The following MYOM1 variants were observed in gnomAD, a reference collection of about 807,000 sequenced individuals.
The protein encoded by MYOM1 is myomesin-1.
Under a neutral mutation model 205.3 loss-of-function variants are expected in MYOM1, and 164 were observed. That is an observed-to-expected ratio of 0.80 (90% CI 0.70 to 0.91). The LOEUF (loss-of-function observed/expected upper bound fraction) is 0.91. MYOM1 is among the 40% of genes least tolerant of loss of function. MYOM1 has a pLI of 0.00. For missense variants in MYOM1, 2,011 were observed against 2,127.3 expected (o/e 0.95, Z 1.08); for synonymous variants, 772 against 789.4 (o/e 0.98, Z 0.37).
intron 8 of MYOM1, among the ~76,000 whole-genome samples, chr18:3,173,573 C>CATGTGT (rs1397176555): frequency 1.5e-5 from 2 of 136,914 alleles, no homozygotes; most frequent in Non-Finnish European, 3.2e-5. Flanking sequence ...AGTCCAGACT[C>CATGTGT]GTGTGTGTGT....
intron 2 of MYOM1, among the ~76,000 whole-genome samples, chr18:3,208,743 T>C (rs1025718356): frequency 6.6e-6 from 1 of 152,134 alleles, no homozygotes; most frequent in Non-Finnish European, 1.5e-5. Context: ...ATTAAAATTT[T>C]ATTTAGAGAA....
chr18:3,149,225 T>C, intron 12 of MYOM1, 24 bp from the exon 13 acceptor site: 1 of 1,602,126 alleles, frequency 6.2e-7, no homozygotes, highest in East Asian at 2.2e-5. Context: ...AATATAAGAA[T>C]CACAAACGTT....
intron 19 of MYOM1, among the ~76,000 whole-genome samples, chr18:3,121,647 T>C (rs188469207): frequency 1.3e-5 from 2 of 152,306 alleles, no homozygotes; most frequent in African/African-American, 4.8e-5. Flanking sequence ...GGTAAAGTTT[T>C]TAAGGCCCTT....
At chr18:3,070,638 G>A (rs888707798) in intron 37 of MYOM1, among the ~76,000 whole-genome samples, 1 of 152,112 alleles carries the variant, frequency 6.6e-6, no homozygotes, top group African/African-American at 2.4e-5. Flanking sequence ...TTTACCTGAT[G>A]CCAAATTTAC....
At chr18:3,091,109 A>C (rs1416629248) in intron 26 of MYOM1, among the ~76,000 whole-genome samples, 2 of 152,146 alleles carry the variant, frequency 1.3e-5, no homozygotes, top group African/African-American at 2.4e-5. Context: ...TGAGGTCAGG[A>C]GTTCGAGACC....
intron 31 of MYOM1, 142 bp from the exon 32 acceptor site, chr18:3,084,169 G>T: frequency 1.2e-6 from 1 of 801,776 alleles, no homozygotes. Context: ...CACTGATAAT[G>T]AGTATTCTTT....
chr18:3,076,874 C>A (rs1317119212), intron 34 of MYOM1, among the ~76,000 whole-genome samples: 2 of 151,896 alleles, frequency 1.3e-5, no homozygotes, highest in Non-Finnish European at 2.9e-5. Flanking sequence ...CCACCATGAC[C>A]AGCTAATTTT....
At chr18:3,181,421 T>C (rs2080728603) in intron 5 of MYOM1, among the ~76,000 whole-genome samples, 2 of 152,236 alleles carry the variant, frequency 1.3e-5, no homozygotes, top group African/African-American at 4.8e-5. Flanking sequence ...CAAATCCTTA[T>C]GTTGGAAAAC....
At chr18:3,132,210 A>G (rs1598706327) in intron 16 of MYOM1, among the ~76,000 whole-genome samples, 2 of 150,942 alleles carry the variant, frequency 1.3e-5, no homozygotes, top group African/African-American at 4.9e-5. Context: ...GGAGTGCAGT[A>G]GTGCAATCTC....
At chr18:3,155,560 G>A (rs1451041481) in intron 10 of MYOM1, among the ~76,000 whole-genome samples, 2 of 152,200 alleles carry the variant, frequency 1.3e-5, no homozygotes, top group East Asian at 3.9e-4. Context: ...AACAATGTGT[G>A]TTTTTCACCT....
chr18:3,194,107 AG>A (rs1032700242), intron 2 of MYOM1, 149 bp from the exon 3 acceptor site: 2 of 832,318 alleles, frequency 2.4e-6, no homozygotes, highest in Admixed American at 6.1e-5. Flanking sequence ...GAATTAAAGT[AG>A]AGTTAGAAAG....
intron 22 of MYOM1, among the ~76,000 whole-genome samples, chr18:3,112,032 G>A (rs62074913): frequency 2.0e-5 from 3 of 152,102 alleles, no homozygotes; most frequent in East Asian, 1.9e-4. Flanking sequence ...CAGTTGGTCC[G>A]GGAAGCTTAA....
rs1255080640 is a variant in MYOM1, at chr18:3,151,203, GTCTA to G, written c.1843+487_1843+490del. 1.7e-4 allele frequency among the ~76,000 whole-genome samples: 26 copies of G among 151,508 alleles called. 1 individual carries two copies. The East Asian group carries it at 3.1e-3, about 18-fold the overall frequency. On this transcript the variant is annotated intron_variant, in intron 12 of 37. Transcript: ENST00000356443. Reference sequence around the variant, plus strand: ...TCAGACATAGATTAGATATAACGTTGTCTATCTGTTTTTCCTTTGATATAGAGAG... The same window carrying G: ...TCAGACATAGATTAGATATAACGTTGTCTGTTTTTCCTTTGATATAGAGAG...
the MYOM1 span, among the ~76,000 whole-genome samples, chr18:3,235,882 T>G: frequency 1.3e-5 from 2 of 151,914 alleles, no homozygotes; most frequent in African/African-American, 4.8e-5. Context: ...TGCGAAAGAG[T>G]TGAGGGCATG....
chr18:3,235,435 A>G, the MYOM1 span, among the ~76,000 whole-genome samples: 1 of 152,184 alleles, frequency 6.6e-6, no homozygotes, highest in African/African-American at 2.4e-5. Context: ...TTCTGAACAT[A>G]CTAATCCCAT....
chr18:3,125,827 C>A lies in MYOM1; in HGVS notation c.2991+874G>T, dbSNP rs528514084. Among the ~76,000 whole-genome samples, 10 of 152,206 alleles carry A rather than the reference C, an allele frequency of 6.6e-5. No individual in the cohort carries two copies. The South Asian group carries it at 2.1e-3, about 32-fold the overall frequency. On this transcript the variant is annotated intron_variant, in intron 19 of 37. Coordinates refer to ENST00000356443, the MANE Select transcript of MYOM1 (RefSeq NM_003803.4). ...TTCTGGTTCTCTTATGTGACCTGAG[C>A]AGTGGAGGCCCCCATGTAGAGGAGA...
intron 3 of MYOM1, among the ~76,000 whole-genome samples, chr18:3,191,719 G>A (rs1175772623): frequency 4.7e-5 from 7 of 148,136 alleles, no homozygotes; most frequent in Non-Finnish European, 1.5e-5. Context: ...TTTTTGAGAT[G>A]GGGTCTCACT....
chr18:3,135,419 A>T lies in MYOM1; in HGVS notation c.2209+128T>A. The stretch of plus-strand genomic sequence containing the variant: ...TTTTTGTTTAATGTATAGGTTAAGT[A>T]CAGCCATCGAGTAAATTTATAATAT... On this transcript the variant is annotated intron_variant, in intron 15 of 37. Coordinates refer to ENST00000356443, the MANE Select transcript of MYOM1 (RefSeq NM_003803.4). This position sits in a 1 kb window ranked among gnomAD's most constrained non-coding sequence, Gnocchi z 4.1. 1.2e-6 allele frequency: 1 copy of T among 807,004 alleles called. No individual in the cohort carries two copies. Among genetic ancestry groups the T allele is most frequent in the Non-Finnish European group, 1.9e-6 (1 of 523,744 alleles). 50.0% of individuals were successfully genotyped at this position (807,004 alleles called of 1,614,324 possible).
At chr18:3,183,496 A>C (rs1374744380) in intron 5 of MYOM1, among the ~76,000 whole-genome samples, 3 of 152,138 alleles carry the variant, frequency 2.0e-5, no homozygotes, top group Admixed American at 2.0e-4. Flanking sequence ...TGTCCAGTGG[A>C]AACTGGTTGG....
Sources: allele counts gnomAD v4.1 joint callset (sites outside exome capture counted in the v4.1 genomes callset), GRCh38; gene constraint gnomAD v4.1.1; non-coding constraint Gnocchi (gnomAD v3.1); transcripts MANE v1.5; gene names NCBI Gene and HGNC (gene_info 2026-07-23, HGNC 2026-07-21).